NCOR2: variants seen among roughly 807,000 people sequenced by gnomAD.
NCOR2 encodes the protein CTG repeat protein 26.
A neutral mutation model predicts 262.9 loss-of-function variants in NCOR2; 81 were observed. That is an observed-to-expected ratio of 0.31 (90% CI 0.26 to 0.37). The LOEUF (loss-of-function observed/expected upper bound fraction) is 0.37, where lower values mean the gene tolerates loss of function less well. Ranked by LOEUF, NCOR2 falls within the 10% of genes least tolerant of loss-of-function variation. The pLI is 1.00. For synonymous variants in NCOR2, 1,659 were observed against 1,559.3 expected (o/e 1.06, Z -1.51); for missense variants, 3,385 against 3,621.4 (o/e 0.93, Z 1.68).
chr12:124,451,817 G>A lies in NCOR2; in HGVS notation c.763-1950C>T, dbSNP rs1021453874. ...AGAGCTGAACACACCTCCTGATGAC[G>A]CCGGCAGAGTGGGCCACCCAGACCC... On this transcript the variant is annotated intron_variant, in intron 6 of 46. Transcript: ENST00000405201. Among the ~76,000 whole-genome samples the A allele has an allele frequency of 6.6e-5, 10 of 152,128 alleles. 1 individual carries two copies. The East Asian group carries it at 9.6e-4, about 15-fold the overall frequency.
At chr12:124,452,563 G>GTTT (rs2136520498) in intron 6 of NCOR2, among the ~76,000 whole-genome samples, 1 of 152,384 alleles carries the variant, frequency 6.6e-6, no homozygotes, top group South Asian at 2.1e-4. Flanking sequence ...GAAATTTGGT[G>GTTT]TTTGTCTTGT....
At chr12:124,438,038 C>A (rs747248789) in intron 7 of NCOR2, 42 bp from the exon 10 acceptor site, 1 of 1,571,614 alleles carries the variant, frequency 6.4e-7, no homozygotes, top group Admixed American at 1.8e-5. Flanking sequence ...CCCGGCCGGG[C>A]TCAGGCGCTG....
intron 5 of NCOR2, among the ~76,000 whole-genome samples, chr12:124,458,618 T>A (rs2046004964): frequency 1.3e-5 from 2 of 152,218 alleles, no homozygotes; most frequent in Admixed American, 1.3e-4. Flanking sequence ...GTTCTTAACA[T>A]GTCAATTGCG....
rs771299745 is a variant in NCOR2 at position 124,347,922 on chromosome 12, G to A, written c.3986-11C>T. On this transcript the variant is annotated splice_polypyrimidine_tract_variant and intron_variant, in intron 29 of 46. Coordinates refer to ENST00000405201, the Ensembl canonical transcript of NCOR2. ...CACGGCCCATGAGACCTGGGTAGGA[G>A]AGGGTGAGGCCATCATTCCGTGGCT... 13 of 1,556,056 alleles carry A rather than the reference G, an allele frequency of 8.4e-6. No homozygotes were observed. The highest frequency in any genetic ancestry group is 1.1e-5 in the Non-Finnish European group (13 of 1,149,402).
Position 124,503,747 on chromosome 12 carries a change from C to CGG in NCOR2, c.-117-8380_-117-8379insCC, listed in dbSNP as rs2048903260. ...GGATGGATGGATGGACGGATGGATG[C>CGG]ATGGATGCATGGATGGATGGATGGA... is the stretch of plus-strand genomic sequence containing the variant. On this transcript the variant is annotated intron_variant, in intron 1 of 46. Coordinates refer to the NCOR2 transcript ENST00000404621. The surrounding 1 kb of genome is among the most constrained non-coding windows in gnomAD (Gnocchi z 4.3). Among the ~76,000 whole-genome samples the CGG allele has an allele frequency of 7.2e-6, 1 of 139,714 alleles. No homozygotes were observed. 91.7% of individuals were successfully genotyped at this position (139,714 alleles called of 152,430 possible).
chr12:124,402,345 G>A (rs1412700445), intron 14 of NCOR2, 59 bp downstream of exon 16: 58 of 1,604,208 alleles, frequency 3.6e-5, no homozygotes, highest in Middle Eastern at 1.7e-4. Context: ...CCCCAGAACC[G>A]TGTGCCACCC....
intron 1 of NCOR2, among the ~76,000 whole-genome samples, chr12:124,486,930 T>C (rs1274518809): frequency 6.6e-6 from 1 of 152,182 alleles, no homozygotes; most frequent in Non-Finnish European, 1.5e-5. Flanking sequence ...CCATGGCCTC[T>C]GTCTGCCGGC....
exon 31 of NCOR2, chr12:124,346,705 C>T (rs1234110017): frequency 4.5e-6 from 7 of 1,568,858 alleles, no homozygotes; most frequent in Admixed American, 1.9e-5. Flanking sequence ...CCGGCTTCAG[C>T]TTCAGGGGGC....
chr12:124,395,891 C>G (rs545568938), intron 16 of NCOR2, among the ~76,000 whole-genome samples: 23 of 152,324 alleles, frequency 1.5e-4, no homozygotes, highest in Middle Eastern at 3.4e-3. Flanking sequence ...AAATCTCACA[C>G]AATTTTACAC....
intron 29 of NCOR2, 38 bp downstream of exon 31, chr12:124,348,135 AG>A: frequency 1.2e-6 from 2 of 1,604,348 alleles, no homozygotes; most frequent in Non-Finnish European, 8.5e-7. Context: ...ACCGCCCACC[AG>A]GGGGCACCGA....
chr12:124,476,954 T>A (rs1234611079), intron 3 of NCOR2, among the ~76,000 whole-genome samples: 4 of 149,706 alleles, frequency 2.7e-5, no homozygotes. Flanking sequence ...ACACTGTGGA[T>A]GAACCCCGAG....
intron 16 of NCOR2, among the ~76,000 whole-genome samples, chr12:124,388,533 T>G (rs7960906): frequency 0.29 from 44,222 of 151,904 alleles, 7,516 homozygotes; most frequent in Middle Eastern, 0.5. Flanking sequence ...GGAGAGGGCA[T>G]GGGGGAAAGG....
At chr12:124,498,163 G>T (rs915284054), upstream of NCOR2, among the ~76,000 whole-genome samples, 1 of 152,200 alleles carries the variant, frequency 6.6e-6, no homozygotes, top group African/African-American at 2.4e-5. Context: ...ATTGCTATTG[G>T]ATTTTGAGTT....
intron 3 of NCOR2, among the ~76,000 whole-genome samples, chr12:124,476,254 G>A (rs751063640): frequency 2.0e-5 from 3 of 152,122 alleles, no homozygotes; most frequent in South Asian, 2.1e-4. Flanking sequence ...CCACGCCACC[G>A]CCCAGGCCCT....
exon 35 of NCOR2, chr12:124,340,724 T>C (rs532473630): frequency 2.5e-5 from 39 of 1,540,576 alleles, no homozygotes; most frequent in Middle Eastern, 1.7e-4. Flanking sequence ...CACAGGCAGG[T>C]GTGGCACTTG....
At chr12:124,356,897 T>TGAC in intron 22 of NCOR2, 115 bp from the exon 25 acceptor site, 1 of 1,301,690 alleles carries the variant, frequency 7.7e-7, no homozygotes, top group Non-Finnish European at 1.0e-6. Context: ...TGGTGGCCTG[T>TGAC]GACGGCCTGG....
intron 5 of NCOR2, among the ~76,000 whole-genome samples, chr12:124,458,446 C>T (rs2045994091): frequency 6.6e-6 from 1 of 152,208 alleles, no homozygotes; most frequent in African/African-American, 2.4e-5. Context: ...CCCGGCCCAC[C>T]AAGAGCAGAG....
chr12:124,501,016 C>G (rs1014456677), intron 1 of NCOR2, among the ~76,000 whole-genome samples: 12 of 151,910 alleles, frequency 7.9e-5, no homozygotes, highest in African/African-American at 2.9e-4. Context: ...TAAAAACCAA[C>G]CTGCCAGGCA....
At chr12:124,422,679 AG>A in intron 11 of NCOR2, 124 bp from the exon 14 acceptor site, 1 of 1,096,144 alleles carries the variant, frequency 9.1e-7, no homozygotes, top group East Asian at 2.6e-5. Context: ...CCCCACTTGG[AG>A]CAATTAAGCC....
Sources: gnomAD v4.1 joint callset for allele counts (sites outside exome capture counted in the v4.1 genomes callset) on GRCh38, gnomAD v4.1.1 for gene constraint, Gnocchi (gnomAD v3.1) non-coding constraint, MANE v1.5 for transcripts, NCBI Gene and HGNC (gene_info 2026-07-23, HGNC 2026-07-21) for gene names.